GALR2: variants seen among roughly 807,000 people sequenced by gnomAD.
GALR2 encodes galanin receptor type 2.
In GALR2, 5 loss-of-function variants were observed where a neutral mutation model predicts 7.2. The observed-to-expected ratio is 0.69, with a 90% CI of 0.36 to 1.45. The LOEUF (loss-of-function observed/expected upper bound fraction) is 1.45. Among genes scored for constraint, GALR2 ranks in the 40% most tolerant of loss-of-function variants. The pLI, the probability that GALR2 is intolerant of heterozygous loss-of-function variation, is 0.03. For missense variants in GALR2, 561 were observed against 555.7 expected, an observed-to-expected ratio of 1.01 and a Z score of -0.10; for synonymous variants, 300 against 263.9, an observed-to-expected ratio of 1.14 and a Z score of -1.32.
Position 76,077,027 on chromosome 17 carries a change from G to A in GALR2, c.760G>A (p.Ala254Thr). The change falls in exon 2 of 2, where the codon GCG (alanine) becomes ACG (threonine). Residue 254 changes from alanine to threonine, a missense_variant. Physicochemically the swap from Ala to Thr is moderately conservative, Grantham distance 58 (BLOSUM62 0). Coordinates refer to ENST00000329003, the MANE Select transcript of GALR2 (RefSeq NM_003857.4). ...CTGCCTCTGCTGGATGCCCCACCAC[G>A]CGCTCATCCTCTGCGTGTGGTTCGG... The part of the protein sequence containing the change: ...LFCLCWMPHH[A>T]LILCVWFGQF... 1 of 1,612,518 alleles carries A rather than the reference G, an allele frequency of 6.2e-7. No homozygotes were observed. Among genetic ancestry groups the A allele is most frequent in the Non-Finnish European group, 8.5e-7 (1 of 1,179,890 alleles).
At position 76,075,974 on chromosome 17, in the gene GALR2, G is replaced by T. The variant is rs949799245; in HGVS notation, c.369-662G>T. ...GAGACGCACATTCGGGAGAGCGCGGGACTCAGGTGGAGCTTGAAAGGACAC... is the reference window on the plus strand; with the variant it reads ...GAGACGCACATTCGGGAGAGCGCGGTACTCAGGTGGAGCTTGAAAGGACAC... On this transcript the variant is annotated intron_variant, in intron 1 of 1. Transcript: ENST00000329003. This position sits in a 1 kb window ranked among gnomAD's most constrained non-coding sequence, Gnocchi z 5.9. Among the ~76,000 whole-genome samples, 1 of 152,206 alleles carries T rather than the reference G, an allele frequency of 6.6e-6. No individual in the cohort carries two copies. The highest frequency in any genetic ancestry group is 2.4e-5 in the African/African-American group (1 of 41,466).
At position 76,077,090 on chromosome 17, in the gene GALR2, A is replaced by C. The variant is rs1423942567; in HGVS notation, c.823A>C (p.Ile275Leu). Residue 275 changes from isoleucine to leucine, a missense_variant, in exon 2 of 2, where the codon ATC becomes CTC. Transcript: ENST00000329003. ...CACGCGCGCCACTTATGCGCTTCGC[A>C]TCCTCTCGCACCTGGTCTCCTACGC... The part of the protein sequence containing the change: ...PLTRATYALR[I>L]LSHLVSYANS... 1.2e-6 allele frequency: 2 copies of C among 1,613,062 alleles called. No individual in the cohort carries two copies. The highest frequency in any genetic ancestry group is 1.7e-6 in the Non-Finnish European group (2 of 1,179,902).
chr17:76,076,532 G>A lies in GALR2; in HGVS notation c.369-104G>A. On this transcript the variant is annotated intron_variant, in intron 1 of 1. Transcript: ENST00000329003. The surrounding 1 kb of genome is among the most constrained non-coding windows in gnomAD (Gnocchi z 6.5). Reference sequence around the variant, plus strand: ...TGTGTGCGGTGTAACCATGCGCTAAGGACCTTCCTCGAGAGCAGCCTTGGG... The same window carrying A: ...TGTGTGCGGTGTAACCATGCGCTAAAGACCTTCCTCGAGAGCAGCCTTGGG... 1 of 723,616 alleles carries A rather than the reference G, an allele frequency of 1.4e-6. No homozygotes were observed. The highest frequency in any genetic ancestry group is 2.3e-6 in the Non-Finnish European group (1 of 442,876). The allele number at this position is 723,616 out of a possible 1,614,324, so 44.8% of individuals were successfully genotyped here.
chr17:76,073,588 C>T, upstream of GALR2, among the ~76,000 whole-genome samples: 1 of 129,420 alleles, frequency 7.7e-6, no homozygotes, highest in Non-Finnish European at 1.6e-5. Context: ...ACCACCGCGC[C>T]CGGCCCTGAA....
upstream of GALR2, among the ~76,000 whole-genome samples, chr17:76,073,619 A>G (rs1260982953): frequency 2.2e-5 from 3 of 139,358 alleles, no homozygotes; most frequent in Non-Finnish European, 4.6e-5. Flanking sequence ...AATTTCCTCA[A>G]GGTATACGGA....
At chr17:76,072,499 C>G (rs752065759), upstream of GALR2, 3 of 1,582,186 alleles carry the variant, frequency 1.9e-6, no homozygotes, top group Non-Finnish European at 2.6e-6. The surrounding 1 kb of genome is among the most constrained non-coding windows in gnomAD (Gnocchi z 4.5). Flanking sequence ...CATCTTGCCC[C>G]TGCGCCGCAG....
upstream of GALR2, chr17:76,072,601 C>T: frequency 4.1e-6 from 6 of 1,471,436 alleles, no homozygotes; most frequent in Non-Finnish European, 5.3e-6. The surrounding 1 kb of genome is among the most constrained non-coding windows in gnomAD (Gnocchi z 4.5). Flanking sequence ...GACTCCGCCG[C>T]CGTCGGCCCT....
In GALR2 at chr17:76,075,238, G is replaced by A. The variant is rs2066883248; in HGVS notation, c.355G>A (p.Val119Ile). 1.2e-6 allele frequency: 2 copies of A among 1,602,988 alleles called. No individual in the cohort carries two copies. The highest frequency in any genetic ancestry group is 1.3e-5 in the African/African-American group (1 of 74,872). Residue 119 changes from valine to isoleucine, a missense_variant, in exon 1 of 2, where the codon GTC becomes ATC. By Grantham distance (29) the Val-to-Ile change is conservative. Transcript: ENST00000329003. This position sits in a 1 kb window ranked among gnomAD's most constrained non-coding sequence, Gnocchi z 5.9. ...MHASSFTLAA[V>I]SLDRYLAIRY... ...CGCCAGCAGCTTCACGCTGGCCGCC[G>A]TCTCCCTGGACAGGTGAGCCAGCGC...
In GALR2 at chr17:76,077,088, G is replaced by A; in HGVS notation, c.821G>A (p.Arg274His). Residue 274 changes from arginine to histidine, a missense_variant, in exon 2 of 2, where the codon CGC becomes CAC. Arg to His is a conservative substitution (Grantham distance 29). Transcript: ENST00000329003. ...CTCACGCGCGCCACTTATGCGCTTC[G>A]CATCCTCTCGCACCTGGTCTCCTAC... ...FPLTRATYAL[R>H]ILSHLVSYAN... 1 of 1,613,004 alleles carries A rather than the reference G, an allele frequency of 6.2e-7. No homozygotes were observed. Among genetic ancestry groups the A allele is most frequent in the Non-Finnish European group, 8.5e-7 (1 of 1,179,872 alleles).
Position 76,076,950 on chromosome 17 carries a change from G to A in GALR2, c.683G>A (p.Arg228Gln). ...VDPVAAGSGA[R>Q]RAKRKVTRMI... ...CCGGTGGCCGCGGGCTCGGGTGCCCGGCGCGCCAAGCGCAAGGTGACACGC... is the reference window on the plus strand; with the variant it reads ...CCGGTGGCCGCGGGCTCGGGTGCCCAGCGCGCCAAGCGCAAGGTGACACGC... The change falls in exon 2 of 2, where the codon CGG becomes CAG. Residue 228 changes from arginine to glutamine, a missense_variant. Transcript: ENST00000329003. The surrounding 1 kb of genome is among the most constrained non-coding windows in gnomAD (Gnocchi z 6.5). The A allele has an allele frequency of 1.9e-6, 3 of 1,602,438 alleles. No homozygotes were observed. Among genetic ancestry groups the A allele is most frequent in the Non-Finnish European group, 2.5e-6 (3 of 1,178,458 alleles).
At position 76,077,471 on chromosome 17, in the gene GALR2, G is replaced by A. The variant is rs1338582112; in HGVS notation, c.*40G>A. 4 of 1,426,086 alleles carry A rather than the reference G, an allele frequency of 2.8e-6. No homozygotes were observed. In the African/African-American group the frequency reaches 4.3e-5, roughly 15 times the overall value. The allele number at this position is 1,426,086 out of a possible 1,614,324, so 88.3% of individuals were successfully genotyped here. A position where few individuals can be genotyped will look rare whatever the true frequency, so the allele number is the denominator to read the frequency against. On this transcript the variant is annotated 3_prime_UTR_variant, in exon 2 of 2. Transcript: ENST00000329003. ...CGCGCTGGGATGTCACAGAGTTGGA[G>A]TCATTGTTGGGGGACCGTGGGGAGA...
At chr17:76,072,571 G>C, upstream of GALR2, 2 of 1,506,954 alleles carry the variant, frequency 1.3e-6, no homozygotes, top group Non-Finnish European at 1.7e-6. The surrounding 1 kb of genome is among the most constrained non-coding windows in gnomAD (Gnocchi z 4.5). Context: ...CTGCCTGGCC[G>C]GGCTGATGGG....
chr17:76,077,019 C>T lies in GALR2; in HGVS notation c.752C>T (p.Pro251Leu), dbSNP rs763611858. ...GCGCTCTTCTGCCTCTGCTGGATGC[C>T]CCACCACGCGCTCATCCTCTGCGTG... ...VAALFCLCWM[P>L]HHALILCVWF... Residue 251 changes from proline (P) to leucine (L), a missense_variant, in exon 2 of 2, where the codon CCC becomes CTC. Pro to Leu is a moderately conservative substitution (Grantham distance 98). Coordinates refer to ENST00000329003, the MANE Select transcript of GALR2 (RefSeq NM_003857.4). The T allele has an allele frequency of 6.2e-7, 1 of 1,612,134 alleles. No homozygotes were observed. Among genetic ancestry groups the T allele is most frequent in the Non-Finnish European group, 8.5e-7 (1 of 1,179,894 alleles).
chr17:76,072,453 G>A (rs1458031767), upstream of GALR2: 1 of 1,580,290 alleles, frequency 6.3e-7, no homozygotes, highest in Non-Finnish European at 8.5e-7. The surrounding 1 kb of genome is among the most constrained non-coding windows in gnomAD (Gnocchi z 4.5). Context: ...CACTGCCGCC[G>A]CCGCCGCCGC....
upstream of GALR2, chr17:76,072,161 T>A: frequency 7.5e-7 from 1 of 1,339,634 alleles, no homozygotes. This position sits in a 1 kb window ranked among gnomAD's most constrained non-coding sequence, Gnocchi z 4.5. Flanking sequence ...CCCCCCGGAA[T>A]TCTGAGCACC....
rs780813681 is a variant in GALR2 at position 76,076,906 on chromosome 17, C to T, written c.639C>T (p.Tyr213=). 2.5e-6 allele frequency: 4 copies of T among 1,602,394 alleles called. No homozygotes were observed. The highest frequency in any genetic ancestry group is 2.2e-5 in the East Asian group (1 of 44,800). Residue 213 remains tyrosine (Y), a synonymous_variant, in exon 2 of 2, where the codon TAC becomes TAT. Transcript: ENST00000329003. This position sits in a 1 kb window ranked among gnomAD's most constrained non-coding sequence, Gnocchi z 6.5. ...TGACCTACGCGCGCACCTTGCGCTACCTCTGGCGCGCCGTCGACCCGGTGG... is the reference window on the plus strand; with the variant it reads ...TGACCTACGCGCGCACCTTGCGCTATCTCTGGCGCGCCGTCGACCCGGTGG... ...LGLTYARTLR[Y]LWRAVDPVAA...
Position 76,074,896 on chromosome 17 carries a change from G to A in GALR2, c.13G>A (p.Gly5Ser). ...GGTCAGCGGCACCATGAACGTCTCG[G>A]GCTGCCCAGGGGCCGGGAACGCGAG... MNVS[G>S]CPGAGNASQA... Residue 5 changes from glycine to serine, a missense_variant, in exon 1 of 2, where the codon GGC becomes AGC. Transcript: ENST00000329003. This position sits in a 1 kb window ranked among gnomAD's most constrained non-coding sequence, Gnocchi z 6.7. 1 of 1,530,168 alleles carries A rather than the reference G, an allele frequency of 6.5e-7. No homozygotes were observed. The highest frequency in any genetic ancestry group is 8.7e-7 in the Non-Finnish European group (1 of 1,144,826). The allele number at this position is 1,530,168 out of a possible 1,614,324, so 94.8% of individuals were successfully genotyped here. A position where few individuals can be genotyped will look rare whatever the true frequency, so the allele number is the denominator to read the frequency against.
Position 76,075,004 on chromosome 17 carries a change from G to T in GALR2, c.121G>T (p.Val41Leu), listed in dbSNP as rs2066881240. Residue 41 changes from valine to leucine, a missense_variant, in exon 1 of 2, where the codon GTG becomes TTG. Val to Leu is a conservative substitution (Grantham distance 32). Transcript: ENST00000329003. The surrounding 1 kb of genome is among the most constrained non-coding windows in gnomAD (Gnocchi z 5.9). ...LFALIFLVGT[V>L]GNTLVLAVLL... is the part of the protein sequence containing the mutation. ...CGCGCTCATCTTCCTCGTGGGCACCGTGGGCAACACGCTGGTGCTGGCGGT... is the reference window on the plus strand; with the variant it reads ...CGCGCTCATCTTCCTCGTGGGCACCTTGGGCAACACGCTGGTGCTGGCGGT... 3 of 1,607,932 alleles carry T rather than the reference G, an allele frequency of 1.9e-6. No homozygotes were observed. Among genetic ancestry groups the T allele is most frequent in the Non-Finnish European group, 1.7e-6 (2 of 1,179,864 alleles).
In GALR2 at chr17:76,076,631, C is replaced by A. The variant is rs548061356; in HGVS notation, c.369-5C>A. On this transcript the variant is annotated splice_region_variant and splice_polypyrimidine_tract_variant and intron_variant, in intron 1 of 1. Coordinates refer to ENST00000329003, the MANE Select transcript of GALR2 (RefSeq NM_003857.4). This position sits in a 1 kb window ranked among gnomAD's most constrained non-coding sequence, Gnocchi z 6.5. Reference sequence around the variant, plus strand: ...CCGACGTCTCCCTTCCCGGTCTGACCGCAGGTATCTGGCCATCCGCTACCC... The same window carrying A: ...CCGACGTCTCCCTTCCCGGTCTGACAGCAGGTATCTGGCCATCCGCTACCC... The A allele has an allele frequency of 1.1e-4, 176 of 1,566,478 alleles. 2 individuals are homozygous for A. The South Asian group carries it at 1.9e-3, about 17-fold the overall frequency.
Sources: gnomAD v4.1 joint callset for allele counts (sites outside exome capture counted in the v4.1 genomes callset) on GRCh38, gnomAD v4.1.1 for gene constraint, Gnocchi (gnomAD v3.1) non-coding constraint, MANE v1.5 for transcripts, NCBI Gene and HGNC (gene_info 2026-07-23, HGNC 2026-07-21) for gene names.